The following SLC5A2 variants were observed in gnomAD, a reference collection of about 807,000 sequenced individuals.
The protein encoded by SLC5A2 is sodium/glucose cotransporter 2.
A neutral mutation model predicts 69.0 loss-of-function variants in SLC5A2; 67 were observed. The ratio of observed to expected loss-of-function variants is 0.97; its 90% CI spans 0.80 to 1.19. The LOEUF is 1.19. SLC5A2 is among the 50% of genes most tolerant of loss of function. The pLI is 0.00. For missense variants in SLC5A2, 1,001 were observed against 921.5 expected (o/e 1.09, Z -1.12); for synonymous variants, 455 against 395.8 (o/e 1.15, Z -1.78).
At chr16:31,489,745 T>C (rs1567392201) in intron 12 of SLC5A2, 4 of 441,092 alleles carry the variant, frequency 9.1e-6, no homozygotes, top group South Asian at 2.1e-5. Context: ...TGTGGAAGGA[T>C]GGCCGGGTTT....
At chr16:31,490,286 T>A in intron 13 of SLC5A2, 23 bp from the exon 14 acceptor site, 3 of 1,613,602 alleles carry the variant, frequency 1.9e-6, no homozygotes, top group Non-Finnish European at 2.5e-6. Context: ...GCAAACTAAC[T>A]GCAGGGCCTC....
At chr16:31,484,542 G>T in intron 1 of SLC5A2, 131 bp from the exon 2 acceptor site, 1 of 950,136 alleles carries the variant, frequency 1.1e-6, no homozygotes, top group Admixed American at 1.7e-5. Context: ...TTGGGGGTGG[G>T]AGTGCAAACG....
At chr16:31,483,381 C>T in intron 1 of SLC5A2, 119 bp downstream of exon 1, 1 of 1,342,038 alleles carries the variant, frequency 7.5e-7, no homozygotes, top group Non-Finnish European at 1.1e-6. Context: ...AAACCTAGGC[C>T]TGGGGGCAAG....
At chr16:31,483,623 T>C (rs2082472643) in intron 1 of SLC5A2, among the ~76,000 whole-genome samples, 1 of 152,156 alleles carries the variant, frequency 6.6e-6, no homozygotes, top group African/African-American at 2.4e-5. Flanking sequence ...ATGGAACTAG[T>C]GGCTCACACC....
intron 12 of SLC5A2, 107 bp from the exon 13 acceptor site, chr16:31,489,997 G>A: frequency 6.8e-7 from 1 of 1,470,652 alleles, no homozygotes; most frequent in South Asian, 1.2e-5. Flanking sequence ...GTGTAGACTG[G>A]ACAGAGGTGG....
chr16:31,488,516 G>A (rs1200210289), intron 9 of SLC5A2, 26 bp downstream of exon 9: 1 of 1,601,728 alleles, frequency 6.2e-7, no homozygotes, highest in African/African-American at 1.3e-5. Flanking sequence ...GGCCACAGGC[G>A]CAAGCTCGCT....
chr16:31,485,839 C>T lies in SLC5A2; in HGVS notation c.414C>T (p.Ile138=). The stretch of plus-strand genomic sequence containing the variant: ...GCAAGCGCTTCGGCGGCCGCCGCAT[C>T]CGCCTCTACCTGTCTGTGCTCTCCC... ...YLRKRFGGRR[I]RLYLSVLSLF... Residue 138 remains isoleucine, a synonymous_variant, in exon 4 of 14, where the codon ATC becomes ATT. Transcript: ENST00000330498. The T allele has an allele frequency of 6.2e-7, 1 of 1,613,564 alleles. No individual in the cohort carries two copies. Among genetic ancestry groups the T allele is most frequent in the Non-Finnish European group, 8.5e-7 (1 of 1,180,034 alleles).
chr16:31,486,881 C>T (rs1421399936), intron 5 of SLC5A2, among the ~76,000 whole-genome samples: 1 of 152,190 alleles, frequency 6.6e-6, no homozygotes, highest in Non-Finnish European at 1.5e-5. Context: ...CCCGTCTCTA[C>T]TAAAGATACA....
chr16:31,490,080 C>T (rs766818678), intron 12 of SLC5A2, 24 bp from the exon 13 acceptor site: 27 of 1,612,696 alleles, frequency 1.7e-5, no homozygotes, highest in South Asian at 5.5e-5. Flanking sequence ...ACTCCCACCT[C>T]GTTCGTGCTC....
At chr16:31,488,295 G>C in intron 8 of SLC5A2, 88 bp from the exon 9 acceptor site, 1 of 1,597,390 alleles carries the variant, frequency 6.3e-7, no homozygotes, top group Non-Finnish European at 8.6e-7. Context: ...GGGGTCGCAC[G>C]CCTCCTCTGC....
Position 31,485,885 on chromosome 16 carries a change from A to G in SLC5A2, c.460A>G (p.Lys154Glu). Residue 154 changes from lysine (K) to glutamate (E), a missense_variant, in exon 4 of 14, where the codon AAG (lysine) becomes GAG (glutamate). Physicochemically the swap from Lys to Glu is moderately conservative, Grantham distance 56. Coordinates refer to ENST00000330498, the MANE Select transcript of SLC5A2 (RefSeq NM_003041.4). ...CTCCCTTTTCCTGTACATCTTCACCAAGATCTCAGTGAGTGCCTGTGGCAG... is the reference window on the plus strand; with the variant it reads ...CTCCCTTTTCCTGTACATCTTCACCGAGATCTCAGTGAGTGCCTGTGGCAG... ...VLSLFLYIFT[K>E]ISVDMFSGAV... 1 of 1,613,536 alleles carries G rather than the reference A, an allele frequency of 6.2e-7. No individual in the cohort carries two copies. Among genetic ancestry groups the G allele is most frequent in the Non-Finnish European group, 8.5e-7 (1 of 1,180,008 alleles).
chr16:31,490,108 A>G lies in SLC5A2; in HGVS notation c.1670A>G (p.His557Arg). Residue 557 changes from histidine (H) to arginine (R), a missense_variant, in exon 13 of 14, where the codon CAC becomes CGC. His to Arg is a conservative substitution (Grantham distance 29). Coordinates refer to ENST00000330498, the MANE Select transcript of SLC5A2 (RefSeq NM_003041.4). ...TCGTGCTCCCACCCTCCCCAGCTCC[A>G]CCGCCTGGTCTTCAGTCTCCGGCAT... ...CTAPIPRKHL[H>R]RLVFSLRHSK... 1.2e-6 allele frequency: 2 copies of G among 1,613,760 alleles called. No homozygotes were observed. Among genetic ancestry groups the G allele is most frequent in the Non-Finnish European group, 1.7e-6 (2 of 1,179,998 alleles).
intron 12 of SLC5A2, 183 bp downstream of exon 12, chr16:31,489,521 TG>T (rs1405569627): frequency 1.5e-6 from 1 of 647,542 alleles, no homozygotes; most frequent in African/African-American, 1.8e-5. Context: ...TGAACCGGCC[TG>T]GGGGAGGCTT....
At chr16:31,483,705 C>T (rs761006221) in intron 1 of SLC5A2, among the ~76,000 whole-genome samples, 3 of 151,966 alleles carry the variant, frequency 2.0e-5, no homozygotes, top group Non-Finnish European at 2.9e-5. Context: ...CAGACTGGCC[C>T]ACATGGTGAA....
Position 31,490,110 on chromosome 16 carries a change from C to T in SLC5A2, c.1672C>T (p.Arg558Cys), listed in dbSNP as rs749300905. The change falls in exon 13 of 14, where the codon CGC becomes TGC. Residue 558 changes from arginine (R) to cysteine (C), a missense_variant. Arg to Cys is a radical substitution (Grantham distance 180). Transcript: ENST00000330498. The stretch of plus-strand genomic sequence containing the variant: ...GTGCTCCCACCCTCCCCAGCTCCAC[C>T]GCCTGGTCTTCAGTCTCCGGCATAG... ...TAPIPRKHLH[R>C]LVFSLRHSKE... 2.8e-5 allele frequency: 45 copies of T among 1,613,728 alleles called. No homozygotes were observed. The highest frequency in any genetic ancestry group is 5.0e-5 in the Admixed American group (3 of 60,008).
chr16:31,488,945 GC>G lies in SLC5A2; in HGVS notation c.1347del (p.Gln451SerfsTer44). On this transcript the variant is annotated frameshift_variant, in exon 11 of 14. Transcript: ENST00000330498. LOFTEE classifies it high-confidence loss of function. ...AWLPVVQAAQ[G>X]GQLFDYIQAV... ...CTTCCCGTGGTGCAGGCGGCACAGG[GC>G]GGGCAGCTCTTCGATTACATCCAGG... is the stretch of plus-strand genomic sequence containing the variant. 1 of 1,603,940 alleles carries G rather than the reference GC, an allele frequency of 6.2e-7. No individual in the cohort carries two copies.
At position 31,488,611 on chromosome 16, in the gene SLC5A2, T is replaced by C; in HGVS notation, c.1130-11T>C. 1 of 1,609,486 alleles carries C rather than the reference T, an allele frequency of 6.2e-7. No homozygotes were observed. Among genetic ancestry groups the C allele is most frequent in the Non-Finnish European group, 8.5e-7 (1 of 1,178,760 alleles). ...AGTGGCCCCAGCCTCACGGCTGCCG[T>C]CGGCCCGCAGGTCTGCGCGGACTCA... On this transcript the variant is annotated splice_polypyrimidine_tract_variant and intron_variant, in intron 9 of 13. Coordinates refer to ENST00000330498, the MANE Select transcript of SLC5A2 (RefSeq NM_003041.4).
At chr16:31,488,573 G>A (rs529812030) in intron 9 of SLC5A2, 49 bp from the exon 10 acceptor site, 14 of 1,607,796 alleles carry the variant, frequency 8.7e-6, no homozygotes, top group Admixed American at 6.7e-5. Flanking sequence ...AGCTGCAGCC[G>A]CCCTGGACCC....
At chr16:31,487,457 C>T in intron 6 of SLC5A2, 57 bp downstream of exon 6, 2 of 1,611,008 alleles carry the variant, frequency 1.2e-6, no homozygotes, top group Admixed American at 1.7e-5. Flanking sequence ...AGCTCTCGGC[C>T]TGCGCGCGGG....
Sources: gnomAD v4.1 joint callset for allele counts (sites outside exome capture counted in the v4.1 genomes callset) on GRCh38, gnomAD v4.1.1 for gene constraint, MANE v1.5 for transcripts, NCBI Gene and HGNC (gene_info 2026-07-23, HGNC 2026-07-21) for gene names.